The following CAPN11 variants were observed in gnomAD, a reference collection of about 807,000 sequenced individuals.
CAPN11 encodes calpain 11.
In CAPN11, 108 loss-of-function variants were observed where a neutral mutation model predicts 105.3. The ratio of observed to expected loss-of-function variants is 1.03; its 90% CI spans 0.88 to 1.20. The LOEUF is 1.20. CAPN11 is among the 50% of genes most tolerant of loss of function. The pLI is 0.00. For missense variants in CAPN11, 883 were observed against 924.8 expected, an observed-to-expected ratio of 0.95 and a Z score of 0.59; for synonymous variants, 329 against 344.5, an observed-to-expected ratio of 0.96 and a Z score of 0.50.
In CAPN11 at chr6:44,183,128, T is replaced by C. The variant is rs989242428; in HGVS notation, c.2027T>C (p.Leu676Pro). ...RLVIEKAGIK[L>P]NNKVMQVLVA... ...TCTCTCCCTCTCTCAGGCATCAAGCTGAACAACAAGGTAATGCAGGTCCTG... is the reference window on the plus strand; with the variant it reads ...TCTCTCCCTCTCTCAGGCATCAAGCCGAACAACAAGGTAATGCAGGTCCTG... Residue 676 changes from leucine to proline, a missense_variant, in exon 21 of 23, where the codon CTG (leucine) becomes CCG (proline). Leu to Pro is a moderately conservative substitution (Grantham distance 98). Coordinates refer to ENST00000398776, the MANE Select transcript of CAPN11 (RefSeq NM_007058.4). The C allele has an allele frequency of 4.3e-6, 7 of 1,612,692 alleles. No individual in the cohort carries two copies. The highest frequency in any genetic ancestry group is 1.7e-5 in the Admixed American group (1 of 60,020).
At chr6:44,177,164 G>A in intron 11 of CAPN11, 78 bp from the exon 12 acceptor site, 1 of 1,499,688 alleles carries the variant, frequency 6.7e-7, no homozygotes, top group Admixed American at 2.1e-5. Flanking sequence ...AGTGTGGCTG[G>A]GGAAGCTCGG....
At chr6:44,166,157 T>C (rs1027345450) in intron 1 of CAPN11, among the ~76,000 whole-genome samples, 1 of 152,110 alleles carries the variant, frequency 6.6e-6, no homozygotes, top group Admixed American at 6.5e-5. Context: ...AGGGGTTTGC[T>C]TGGGGCAGTG....
intron 5 of CAPN11, 35 bp downstream of exon 5, chr6:44,172,455 TGGGGGC>T: frequency 7.7e-7 from 1 of 1,304,946 alleles, no homozygotes. Context: ...GTGGCTTTGT[TGGGGGC>T]GGGGGAAGAA....
chr6:44,172,125 T>A (rs1478011979), intron 4 of CAPN11, among the ~76,000 whole-genome samples, 177 bp from the exon 5 acceptor site: 12 of 152,134 alleles, frequency 7.9e-5, no homozygotes, highest in Admixed American at 7.9e-4. Flanking sequence ...AGTTTCTCCC[T>A]GTTTACCTCC....
chr6:44,175,571 T>C (rs181747477), intron 7 of CAPN11, among the ~76,000 whole-genome samples: 1 of 151,682 alleles, frequency 6.6e-6, no homozygotes, highest in East Asian at 1.9e-4. Flanking sequence ...AGGTCAGGAG[T>C]TCAAGACCAG....
At chr6:44,178,528 G>A (rs1239152904) in intron 12 of CAPN11, among the ~76,000 whole-genome samples, 2 of 152,048 alleles carry the variant, frequency 1.3e-5, no homozygotes, top group Non-Finnish European at 2.9e-5. Context: ...CCAGTCTCCA[G>A]GGGTTCAATA....
intron 1 of CAPN11, among the ~76,000 whole-genome samples, chr6:44,159,591 GC>G (rs928450317): frequency 6.6e-5 from 10 of 152,076 alleles, no homozygotes; most frequent in African/African-American, 2.4e-4. Flanking sequence ...GGAAGTTTAG[GC>G]CTAGCTGGTG....
Position 44,180,644 on chromosome 6 carries a change from T to G in CAPN11, c.1728T>G (p.Phe576Leu). 1 of 1,613,618 alleles carries G rather than the reference T, an allele frequency of 6.2e-7. No homozygotes were observed. The highest frequency in any genetic ancestry group is 8.5e-7 in the Non-Finnish European group (1 of 1,179,776). Residue 576 changes from phenylalanine (F) to leucine (L), a missense_variant, in exon 16 of 23, where the codon TTT becomes TTG. Transcript: ENST00000398776. ...TGGACCAGGACTTCCTACATTTGTT[T>G]AAGATAGTGGCAGGAGAGGTGAGCA... ...DDMDQDFLHL[F>L]KIVAGEGKEI...
intron 2 of CAPN11, among the ~76,000 whole-genome samples, chr6:44,167,288 C>T (rs529762719): frequency 6.6e-5 from 10 of 151,772 alleles, no homozygotes; most frequent in South Asian, 2.1e-4. Flanking sequence ...CACCTGAGTT[C>T]GGGAGTTCGA....
Position 44,180,142 on chromosome 6 carries a change from C to G in CAPN11, c.1619C>G (p.Thr540Ser). The stretch of plus-strand genomic sequence containing the variant: ...GCTGACTTCCTGCTTCGGGTCTTCA[C>G]CGAGAAGCACAGCGAGTCATGGTAA... The part of the protein sequence containing the change: ...RDADFLLRVF[T>S]EKHSESWELD... Residue 540 changes from threonine to serine, a missense_variant, in exon 14 of 23, where the codon ACC becomes AGC. By Grantham distance (58) the Thr-to-Ser change is moderately conservative. Coordinates refer to ENST00000398776, the MANE Select transcript of CAPN11 (RefSeq NM_007058.4). 6.2e-7 allele frequency: 1 copy of G among 1,612,122 alleles called. No homozygotes were observed. Among genetic ancestry groups the G allele is most frequent in the Non-Finnish European group, 8.5e-7 (1 of 1,178,898 alleles).
In CAPN11 at chr6:44,169,264, T is replaced by C; in HGVS notation, c.89-17T>C. On this transcript the variant is annotated splice_polypyrimidine_tract_variant and intron_variant, in intron 2 of 22. Transcript: ENST00000398776. ...CATTTTTTACTTGCGTTATTTCTCT[T>C]TTTTTTTCTTAAGCAGAGCCCACTT... The C allele has an allele frequency of 6.3e-7, 1 of 1,589,140 alleles. No individual in the cohort carries two copies. The highest frequency in any genetic ancestry group is 1.1e-5 in the South Asian group (1 of 87,754).
At position 44,169,266 on chromosome 6, in the gene CAPN11, T is replaced by G. The variant is rs761775138; in HGVS notation, c.89-15T>G. 5.7e-6 allele frequency: 9 copies of G among 1,590,038 alleles called. No homozygotes were observed. Among genetic ancestry groups the G allele is most frequent in the Non-Finnish European group, 6.0e-6 (7 of 1,168,876 alleles). The stretch of plus-strand genomic sequence containing the variant: ...TTTTTTACTTGCGTTATTTCTCTTT[T>G]TTTTTCTTAAGCAGAGCCCACTTTT... On this transcript the variant is annotated splice_polypyrimidine_tract_variant and intron_variant, in intron 2 of 22. Coordinates refer to ENST00000398776, the MANE Select transcript of CAPN11 (RefSeq NM_007058.4).
At chr6:44,170,552 C>T (rs4711772) in intron 4 of CAPN11, among the ~76,000 whole-genome samples, 77,227 of 151,952 alleles carry the variant, frequency 0.51, 19,908 homozygotes, top group Non-Finnish European at 0.54. Context: ...TCTTCCAAAG[C>T]GAGTTATCTA....
At chr6:44,165,063 A>C (rs1769570593) in intron 1 of CAPN11, among the ~76,000 whole-genome samples, 1 of 151,754 alleles carries the variant, frequency 6.6e-6, no homozygotes, top group South Asian at 2.1e-4. Flanking sequence ...TAATTTTTGT[A>C]TTTTTAGTAG....
In CAPN11 at chr6:44,173,386, A is replaced by C. The variant is rs959495883; in HGVS notation, c.831A>C (p.Glu277Asp). Residue 277 changes from glutamate (E) to aspartate (D), a missense_variant and splice_region_variant, in exon 7 of 23, where the codon GAA (glutamate) becomes GAC (aspartate). By Grantham distance (45) the Glu-to-Asp change is conservative. Transcript: ENST00000398776. ...ERSSLMGCSI[E>D]VTSDSELESM... is the part of the protein sequence containing the mutation. ...CCTCCCTCATGGGTTGCTCCATTGA[A>C]GTAAGCAAAGCATGGTCCCACCTCA... 3.8e-6 allele frequency: 6 copies of C among 1,599,934 alleles called. No homozygotes were observed. The highest frequency in any genetic ancestry group is 5.1e-6 in the Non-Finnish European group (6 of 1,172,142).
At chr6:44,182,271 C>T (rs1773851261) in intron 19 of CAPN11, among the ~76,000 whole-genome samples, 1 of 140,342 alleles carries the variant, frequency 7.1e-6, no homozygotes, top group Admixed American at 7.2e-5. Context: ...CACACACATA[C>T]AGACACAACC....
intron 2 of CAPN11, 126 bp downstream of exon 2, chr6:44,166,955 G>A (rs940744183): frequency 2.7e-5 from 16 of 590,812 alleles, no homozygotes; most frequent in Middle Eastern, 4.8e-4. Context: ...GGCGGCGGGG[G>A]GAGGGGAGGC....
rs1238121825 is a variant in CAPN11, at chr6:44,183,771, G to A, written c.2193+8G>A. ...TGCTTGAGCCTGGAACAGGTACTTG[G>A]AGAAGGGTGGGAAGGAATCTGCAGG... On this transcript the variant is annotated splice_region_variant and intron_variant, in intron 22 of 22. Transcript: ENST00000398776. 3.1e-6 allele frequency: 5 copies of A among 1,613,296 alleles called. No individual in the cohort carries two copies. The highest frequency in any genetic ancestry group is 3.4e-6 in the Non-Finnish European group (4 of 1,179,576).
chr6:44,158,931 GGA>G, intron 1 of CAPN11, 67 bp downstream of exon 1: 3 of 1,397,992 alleles, frequency 2.1e-6, no homozygotes, highest in Non-Finnish European at 3.0e-6. Context: ...CCCCAGGGGA[GGA>G]GCTGTGTCCC....
Sources: allele counts gnomAD v4.1 joint callset (sites outside exome capture counted in the v4.1 genomes callset), GRCh38; gene constraint gnomAD v4.1.1; transcripts MANE v1.5; gene names NCBI Gene and HGNC (gene_info 2026-07-23, HGNC 2026-07-21).